The following PHIP variants were observed in gnomAD, a reference collection of about 807,000 sequenced individuals.
The protein encoded by PHIP is PH-interacting protein.
In PHIP, 54 loss-of-function variants were observed where a neutral mutation model predicts 236.8. That is an observed-to-expected ratio of 0.23 (90% CI 0.18 to 0.29). The LOEUF (loss-of-function observed/expected upper bound fraction) is 0.29. Among genes scored for constraint, PHIP ranks in the 10% least tolerant of loss-of-function variants. The pLI is 1.00. For missense variants in PHIP, 1,370 were observed against 2,190.8 expected (o/e 0.63, Z 7.48); for synonymous variants, 756 against 718.9 (o/e 1.05, Z -0.83).
intron 6 of PHIP, among the ~76,000 whole-genome samples, chr6:79,044,840 A>C (rs1041228950): frequency 6.6e-6 from 1 of 152,166 alleles, no homozygotes; most frequent in African/African-American, 2.4e-5. Context: ...ATGATAAAGT[A>C]TTTTATAAGC....
At chr6:79,027,100 A>C (rs1334866408) in intron 7 of PHIP, among the ~76,000 whole-genome samples, 2 of 152,144 alleles carry the variant, frequency 1.3e-5, no homozygotes, top group African/African-American at 4.8e-5. Context: ...ATCTGACATT[A>C]GAAAGAACTC....
chr6:79,002,840 A>G (rs1770073299), intron 16 of PHIP, among the ~76,000 whole-genome samples: 1 of 152,120 alleles, frequency 6.6e-6, no homozygotes, highest in Non-Finnish European at 1.5e-5. Context: ...TACAGTAAGT[A>G]TGATTTGTGT....
rs1473259310 is a variant in PHIP, at chr6:78,938,552, T to C, written c.*2141A>G. On this transcript the variant is annotated 3_prime_UTR_variant, in exon 40 of 40. Coordinates refer to ENST00000275034, the MANE Select transcript of PHIP (RefSeq NM_017934.7). ...ATTGCCTTCAAAAGCAACTAATTAA[T>C]GACAAATTTCAAACATACACTATTA... 6.6e-6 allele frequency: 1 copy of C among 151,674 alleles called. No homozygotes were observed. The highest frequency in any genetic ancestry group is 2.4e-5 in the African/African-American group (1 of 41,438). The allele number at this position is 151,674 out of a possible 1,614,324, so 9.4% of individuals were successfully genotyped here.
At chr6:78,979,003 C>T (rs914973272) in intron 23 of PHIP, among the ~76,000 whole-genome samples, 2 of 152,030 alleles carry the variant, frequency 1.3e-5, no homozygotes, top group African/African-American at 4.8e-5. Context: ...TGTGTAGGCA[C>T]TGTAGTAGGT....
At chr6:78,979,384 C>T (rs1768353717) in intron 23 of PHIP, among the ~76,000 whole-genome samples, 1 of 152,012 alleles carries the variant, frequency 6.6e-6, no homozygotes, top group South Asian at 2.1e-4. Context: ...AAAATGCTAT[C>T]AATTTTATAA....
intron 39 of PHIP, among the ~76,000 whole-genome samples, chr6:78,943,571 TA>T (rs1323590463): frequency 1.3e-5 from 2 of 152,186 alleles, no homozygotes; most frequent in East Asian, 3.8e-4. Flanking sequence ...TAATGGGCAT[TA>T]AAAATGAGTA....
intron 6 of PHIP, among the ~76,000 whole-genome samples, chr6:79,059,855 A>G (rs1450840757): frequency 6.6e-6 from 1 of 151,812 alleles, no homozygotes; most frequent in East Asian, 1.9e-4. Context: ...TCTTTATACT[A>G]TCTTCAGCAG....
chr6:78,984,115 A>C (rs1367485877), intron 22 of PHIP, among the ~76,000 whole-genome samples: 1 of 152,142 alleles, frequency 6.6e-6, no homozygotes, highest in Admixed American at 6.6e-5. Context: ...CTGGAGCTTT[A>C]TTCCATTGTC....
At chr6:79,014,932 G>T in intron 15 of PHIP, 150 bp downstream of exon 15, 1 of 598,686 alleles carries the variant, frequency 1.7e-6, no homozygotes. Flanking sequence ...GTCAATAAAA[G>T]TGTGGAATAA....
intron 12 of PHIP, 134 bp from the exon 13 acceptor site, chr6:79,016,776 T>C: frequency 3.7e-6 from 2 of 539,266 alleles, no homozygotes; most frequent in Non-Finnish European, 6.6e-6. Context: ...TTCTGAAACT[T>C]TATGGGCTTT....
chr6:78,961,947 T>C (rs899652614), intron 30 of PHIP, 137 bp from the exon 31 acceptor site: 16 of 643,792 alleles, frequency 2.5e-5, no homozygotes, highest in South Asian at 4.0e-5. Context: ...ATAAACAATA[T>C]AGTGTAGCTG....
intron 6 of PHIP, among the ~76,000 whole-genome samples, chr6:79,045,801 T>C (rs1307637102): frequency 1.3e-5 from 2 of 152,186 alleles, no homozygotes; most frequent in African/African-American, 2.4e-5. Context: ...TAATTTAACC[T>C]TAAATCAAGA....
intron 4 of PHIP, among the ~76,000 whole-genome samples, chr6:79,076,665 C>G (rs1276285405): frequency 6.6e-6 from 1 of 152,010 alleles, no homozygotes; most frequent in African/African-American, 2.4e-5. Flanking sequence ...AAGTTCCATC[C>G]CACAGTAAAT....
Position 79,060,663 on chromosome 6 carries a change from C to T in PHIP, c.340+5G>A. On this transcript the variant is annotated splice_donor_5th_base_variant and intron_variant, in intron 5 of 39. Transcript: ENST00000275034. ...TGTCTAAATCCTATGAGAAAATTTTCATACTTTTATTTGTGCGTAGTAAAG... is the reference window on the plus strand; with the variant it reads ...TGTCTAAATCCTATGAGAAAATTTTTATACTTTTATTTGTGCGTAGTAAAG... The T allele has an allele frequency of 1.2e-6, 2 of 1,609,818 alleles. No individual in the cohort carries two copies. The highest frequency in any genetic ancestry group is 8.5e-7 in the Non-Finnish European group (1 of 1,178,248).
At chr6:79,077,947 G>A (rs1187490747) in intron 1 of PHIP, 34 bp from the exon 2 acceptor site, 2 of 1,590,004 alleles carry the variant, frequency 1.3e-6, no homozygotes, top group Non-Finnish European at 1.7e-6. Context: ...AGACACACAG[G>A]CTGAGCGGTC....
chr6:78,972,757 G>C lies in PHIP; in HGVS notation c.2890-1869C>G, dbSNP rs978077100. Among the ~76,000 whole-genome samples, 42 of 152,244 alleles carry C rather than the reference G, an allele frequency of 2.8e-4. No homozygotes were observed. The East Asian group carries it at 3.1e-3, about 11-fold the overall frequency. ...CAGAAGCCTCAGGAGCCGATGCGAT[G>C]AACTGGAAGAAAGGGTATCAGCAAT... On this transcript the variant is annotated intron_variant, in intron 24 of 39. Coordinates refer to ENST00000275034, the MANE Select transcript of PHIP (RefSeq NM_017934.7).
chr6:79,004,425 C>T (rs1403025035), intron 15 of PHIP: 2 of 984,644 alleles, frequency 2.0e-6, no homozygotes, highest in East Asian at 1.1e-4. Flanking sequence ...GAATGGGTTT[C>T]CTCCCTGCAA....
chr6:79,078,015 GC>G lies in PHIP; in HGVS notation c.40+13del, dbSNP rs749377676. ...TCGCCCGGTGCCAGCGGCCCCGGCA[GC>G]CCCCCGACTTACCCGATCGCAGCTC... On this transcript the variant is annotated intron_variant, in intron 1 of 39. Coordinates refer to ENST00000275034, the MANE Select transcript of PHIP (RefSeq NM_017934.7). 7.5e-6 allele frequency: 12 copies of G among 1,608,250 alleles called. No individual in the cohort carries two copies. The highest frequency in any genetic ancestry group is 1.3e-5 in the African/African-American group (1 of 74,668).
intron 24 of PHIP, among the ~76,000 whole-genome samples, chr6:78,971,804 T>C (rs537974557): frequency 2.5e-4 from 38 of 152,172 alleles, no homozygotes; most frequent in Non-Finnish European, 4.7e-4. Context: ...CCCACCCGAA[T>C]ACTGCGCTTT....
Sources: gnomAD v4.1 joint callset for allele counts (sites outside exome capture counted in the v4.1 genomes callset) on GRCh38, gnomAD v4.1.1 for gene constraint, MANE v1.5 for transcripts, NCBI Gene and HGNC (gene_info 2026-07-23, HGNC 2026-07-21) for gene names.